The following SLF2 variants were observed in gnomAD, a reference collection of about 807,000 sequenced individuals.
SLF2 encodes SMC5-SMC6 complex localization factor protein 2.
In SLF2, 68 loss-of-function variants were observed where a neutral mutation model predicts 124.3. The observed-to-expected ratio is 0.55, with a 90% CI of 0.45 to 0.67. The LOEUF (loss-of-function observed/expected upper bound fraction) is 0.67, where lower values mean the gene tolerates loss of function less well. SLF2 is among the 30% of genes least tolerant of loss of function. The probability of loss-of-function intolerance (pLI) is 0.00; values close to 1 mark genes in which losing one functional copy is unlikely to be tolerated. For synonymous variants in SLF2, 480 were observed against 478.8 expected (o/e 1.00, Z -0.03); for missense variants, 1,246 against 1,373.7 (o/e 0.91, Z 1.47).
chr10:100,921,343 A>G (rs2133760608), intron 4 of SLF2, among the ~76,000 whole-genome samples: 1 of 152,290 alleles, frequency 6.6e-6, no homozygotes, highest in East Asian at 1.9e-4. Flanking sequence ...CAGCCTCCCA[A>G]AGTGCTGGGA....
intron 11 of SLF2, 143 bp from the exon 12 acceptor site, chr10:100,943,883 A>G (rs1278255103): frequency 1.8e-6 from 1 of 549,202 alleles, no homozygotes. Context: ...ATGATTATCA[A>G]AACTTAAAAT....
Position 100,917,312 on chromosome 10 carries a change from A to T in SLF2, c.915+12A>T, listed in dbSNP as rs534682630. ...ATCTGTCAAATGTGGTATGTGTAAG[A>T]ATTATTGAATTAGCATTGCTACTGC... On this transcript the variant is annotated intron_variant, in intron 3 of 19. Transcript: ENST00000238961. 1 of 1,584,764 alleles carries T rather than the reference A, an allele frequency of 6.3e-7. No homozygotes were observed. Among genetic ancestry groups the T allele is most frequent in the East Asian group, 2.2e-5 (1 of 44,666 alleles).
intron 6 of SLF2, among the ~76,000 whole-genome samples, chr10:100,927,050 C>T (rs896481852): frequency 6.6e-6 from 1 of 151,714 alleles, no homozygotes; most frequent in Non-Finnish European, 1.5e-5. Flanking sequence ...AGCTGAAATT[C>T]TAGATCGAAA....
In SLF2 at chr10:100,962,841, ATGTGTGTGTGTGTGTG is replaced by A. The variant is rs34345512; in HGVS notation, c.*942_*957del. On this transcript the variant is annotated 3_prime_UTR_variant, in exon 20 of 20. Coordinates refer to ENST00000238961, the MANE Select transcript of SLF2 (RefSeq NM_018121.4). Reference sequence around the variant, plus strand: ...ATTCTTTGGGACACTGTGTCTGTGTATGTGTGTGTGTGTGTGTGTGTGTGTGTGCGCTTGTATCTTG... The same window carrying A: ...ATTCTTTGGGACACTGTGTCTGTGTATGTGTGTGTGTGCGCTTGTATCTTG... 6.9e-5 allele frequency: 10 copies of A among 144,116 alleles called. No homozygotes were observed. Among genetic ancestry groups the A allele is most frequent in the African/African-American group, 2.6e-4 (10 of 39,172 alleles). 8.9% of individuals were successfully genotyped at this position (144,116 alleles called of 1,614,324 possible). A position where few individuals can be genotyped will look rare whatever the true frequency, so the allele number is the denominator to read the frequency against.
intron 9 of SLF2, among the ~76,000 whole-genome samples, chr10:100,935,869 T>C (rs1307679861): frequency 2.8e-5 from 4 of 142,484 alleles, no homozygotes; most frequent in Non-Finnish European, 6.1e-5. Context: ...CTTTTTTTTT[T>C]TTTTTTTGAG....
intron 9 of SLF2, among the ~76,000 whole-genome samples, chr10:100,933,114 A>G (rs1259464999): frequency 6.6e-6 from 1 of 152,172 alleles, no homozygotes; most frequent in Non-Finnish European, 1.5e-5. Context: ...AAAAACAAAC[A>G]AAAAATTTCC....
chr10:100,937,267 T>A (rs1849882462), intron 9 of SLF2, 135 bp from the exon 10 acceptor site: 5 of 732,278 alleles, frequency 6.8e-6, no homozygotes, highest in Non-Finnish European at 1.2e-5. Flanking sequence ...CGCCTTAGCC[T>A]CACAAAGTGC....
intron 11 of SLF2, among the ~76,000 whole-genome samples, chr10:100,942,982 G>A: frequency 6.7e-6 from 1 of 150,220 alleles, no homozygotes; most frequent in African/African-American, 2.4e-5. Flanking sequence ...TGAACTTTAG[G>A]GTATTTATGG....
chr10:100,932,710 T>TGC (rs1849764066), intron 9 of SLF2, among the ~76,000 whole-genome samples: 4 of 88,478 alleles, frequency 4.5e-5, no homozygotes, highest in African/African-American at 1.4e-4. Context: ...TGTGTGTGTG[T>TGC]GTGTGTGTGT....
chr10:100,960,995 C>CTACTTT (rs1411407192), intron 19 of SLF2, among the ~76,000 whole-genome samples: 17 of 54,498 alleles, frequency 3.1e-4, no homozygotes, highest in Non-Finnish European at 4.0e-4. Context: ...ATATTCTGTA[C>CTACTTT]TTCTTTTTTT....
chr10:100,950,304 C>A, intron 16 of SLF2, 97 bp downstream of exon 16: 2 of 1,239,866 alleles, frequency 1.6e-6, no homozygotes, highest in Non-Finnish European at 2.2e-6. Context: ...TGGATTTGGA[C>A]ACTAGACACA....
chr10:100,946,809 G>C (rs1850113715), intron 13 of SLF2, among the ~76,000 whole-genome samples: 1 of 152,210 alleles, frequency 6.6e-6, no homozygotes, highest in South Asian at 2.1e-4. Context: ...TGAAAGCCAA[G>C]TGAAATTCTG....
chr10:100,949,146 A>G (rs1309055657), intron 15 of SLF2, among the ~76,000 whole-genome samples: 2 of 152,200 alleles, frequency 1.3e-5, no homozygotes, highest in South Asian at 4.1e-4. Flanking sequence ...TTTCTGCTTT[A>G]GTAGAATTGA....
chr10:100,944,494 C>CAAAA (rs34072572), intron 12 of SLF2, among the ~76,000 whole-genome samples: 4 of 100,634 alleles, frequency 4.0e-5, no homozygotes, highest in East Asian at 2.8e-4. Context: ...GACTCTGTCT[C>CAAAA]AAAAAAAAAA....
At position 100,924,396 on chromosome 10, in the gene SLF2, G is replaced by A. The variant is rs774507120; in HGVS notation, c.1395G>A (p.Thr465=). ...NLQKNKTASS[T]TKEKETKLPL... ...AGAAAAATAAAACCGCTAGCTCCAC[G>A]ACAAAGGAGAAGGAGACAAAACTAC... Residue 465 remains threonine (T), a synonymous_variant, in exon 5 of 20, where the codon ACG becomes ACA. Transcript: ENST00000238961. The A allele has an allele frequency of 9.9e-6, 16 of 1,614,114 alleles. No homozygotes were observed. In the East Asian group the frequency reaches 1.6e-4, roughly 16 times the overall value.
chr10:100,926,272 T>C, intron 6 of SLF2: 2 of 1,492,978 alleles, frequency 1.3e-6, no homozygotes, highest in African/African-American at 1.4e-5. Context: ...TGGCGCCACT[T>C]CACTGCAGCC....
chr10:100,936,428 G>A (rs1849858898), intron 9 of SLF2, among the ~76,000 whole-genome samples: 1 of 151,958 alleles, frequency 6.6e-6, no homozygotes, highest in South Asian at 2.1e-4. Flanking sequence ...CTGCCTCCCG[G>A]GTTCACACCA....
At chr10:100,958,042 C>G (rs1264027701) in intron 18 of SLF2, among the ~76,000 whole-genome samples, 3 of 152,020 alleles carry the variant, frequency 2.0e-5, no homozygotes, top group Non-Finnish European at 2.9e-5. Flanking sequence ...GAGCAAGACT[C>G]TGTCTCAAAA....
intron 4 of SLF2, 67 bp from the exon 5 acceptor site, chr10:100,923,908 C>T: frequency 7.8e-7 from 1 of 1,287,152 alleles, no homozygotes; most frequent in African/African-American, 1.5e-5. Flanking sequence ...GTGTTCTAGA[C>T]ACTGAATAAA....
Sources: gnomAD v4.1 joint callset for allele counts (sites outside exome capture counted in the v4.1 genomes callset) on GRCh38, gnomAD v4.1.1 for gene constraint, MANE v1.5 for transcripts, NCBI Gene and HGNC (gene_info 2026-07-23, HGNC 2026-07-21) for gene names.